Variants in UTRN observed in about 807,000 individuals in gnomAD.
The protein encoded by UTRN is dystrophin-related protein 1.
Under a neutral mutation model 463.9 loss-of-function variants are expected in UTRN, and 283 were observed. The ratio of observed to expected loss-of-function variants is 0.61; its 90% CI spans 0.55 to 0.67. UTRN has a LOEUF of 0.67. Ranked by LOEUF, UTRN falls within the 30% of genes least tolerant of loss-of-function variation. The probability of loss-of-function intolerance (pLI) is 0.00; values close to 1 mark genes in which losing one functional copy is unlikely to be tolerated. For missense variants in UTRN, 3,922 were observed against 4,084.3 expected, an observed-to-expected ratio of 0.96 and a Z score of 1.08; for synonymous variants, 1,442 against 1,431.5, an observed-to-expected ratio of 1.01 and a Z score of -0.17.
intron 53 of UTRN, among the ~76,000 whole-genome samples, chr6:144,701,171 T>G (rs1784556072): frequency 6.6e-6 from 1 of 152,130 alleles, no homozygotes; most frequent in African/African-American, 2.4e-5. Context: ...CCTCCCAAAG[T>G]GCTGGGATTA....
At chr6:144,349,257 C>T (rs2114653060) in intron 2 of UTRN, among the ~76,000 whole-genome samples, 1 of 152,312 alleles carries the variant, frequency 6.6e-6, no homozygotes, top group South Asian at 2.1e-4. Context: ...ATCCGCCCGC[C>T]TCAGCCTCCC....
intron 52 of UTRN, among the ~76,000 whole-genome samples, chr6:144,697,416 TAA>T (rs1240950643): frequency 6.6e-6 from 1 of 152,134 alleles, no homozygotes; most frequent in African/African-American, 2.4e-5. Context: ...AACGCAAATT[TAA>T]AGTTTCTTCT....
Position 144,771,972 on chromosome 6 carries a change from A to G in UTRN, c.8557+4A>G. 7.1e-7 allele frequency: 1 copy of G among 1,414,658 alleles called. No individual in the cohort carries two copies. 87.6% of individuals were successfully genotyped at this position (1,414,658 alleles called of 1,614,324 possible). ...ACCGAACTCTTTCAATCCCTTGGTA[A>G]GTGTTATTAATAGTAATAAATTAAC... On this transcript the variant is annotated splice_donor_region_variant and intron_variant, in intron 59 of 74. Transcript: ENST00000367545.
chr6:144,811,065 C>T (rs1778561362), intron 65 of UTRN, among the ~76,000 whole-genome samples: 1 of 151,976 alleles, frequency 6.6e-6, no homozygotes, highest in African/African-American at 2.4e-5. Context: ...TTACAATTTT[C>T]TAGTAAAAAA....
intron 69 of UTRN, among the ~76,000 whole-genome samples, chr6:144,834,107 A>G (rs1409567595): frequency 6.6e-6 from 1 of 152,228 alleles, no homozygotes; most frequent in Non-Finnish European, 1.5e-5. Context: ...ATAATGCCGC[A>G]GCTTACTTCA....
In UTRN at chr6:144,403,311, A is replaced by G. The variant is rs4896715; in HGVS notation, c.141+127A>G. 11,488 of 764,906 alleles carry G rather than the reference A, an allele frequency of 0.015. 677 individuals carry two copies. In the East Asian group the frequency reaches 0.16, roughly 11 times the overall value. 47.4% of individuals were successfully genotyped at this position (764,906 alleles called of 1,614,324 possible). On this transcript the variant is annotated intron_variant, in intron 3 of 74. Coordinates refer to ENST00000367545, the MANE Select transcript of UTRN (RefSeq NM_007124.3). ...GCCGAAGTCTTCTGAGTATGCAGATACATTTGTTGTTCCTTTATTCTGTCC... is the reference window on the plus strand; with the variant it reads ...GCCGAAGTCTTCTGAGTATGCAGATGCATTTGTTGTTCCTTTATTCTGTCC...
rs78896522 is a variant in UTRN, at chr6:144,539,566, C to T, written c.6519+123C>T. On this transcript the variant is annotated intron_variant, in intron 45 of 74. Coordinates refer to ENST00000367545, the MANE Select transcript of UTRN (RefSeq NM_007124.3). The stretch of plus-strand genomic sequence containing the variant: ...ATGGGGCAAATTTTACTAAAGCTTA[C>T]TAATGTTTATATTTTTTATCTGTCA... 2.8e-4 allele frequency: 272 copies of T among 967,940 alleles called. 1 individual carries two copies. The African/African-American group carries it at 4.3e-3, about 15-fold the overall frequency. 60.0% of individuals were successfully genotyped at this position (967,940 alleles called of 1,614,324 possible).
At chr6:144,451,562 T>C in intron 18 of UTRN, 69 bp downstream of exon 18, 10 of 1,503,366 alleles carry the variant, frequency 6.7e-6, no homozygotes, top group Non-Finnish European at 8.9e-6. Flanking sequence ...TCTGCTGGCA[T>C]AAAGACATTA....
chr6:144,659,103 G>A (rs976107378), intron 51 of UTRN, among the ~76,000 whole-genome samples: 4 of 152,134 alleles, frequency 2.6e-5, no homozygotes, highest in Admixed American at 6.5e-5. Context: ...TAATCAACGC[G>A]TATTTCCTTT....
At chr6:144,342,157 G>A (rs1357777664) in intron 2 of UTRN, among the ~76,000 whole-genome samples, 1 of 152,194 alleles carries the variant, frequency 6.6e-6, no homozygotes, top group African/African-American at 2.4e-5. Flanking sequence ...TACCCAGCAG[G>A]ATGGCAATAA....
At position 144,851,117 on chromosome 6, in the gene UTRN, C is replaced by A; in HGVS notation, c.*120C>A. On this transcript the variant is annotated 3_prime_UTR_variant, in exon 75 of 75. Transcript: ENST00000367545. Reference sequence around the variant, plus strand: ...GCTCCTTGGCCCACGATGTTGAGTGCTGACTGTGTGTTCTACTGAAAGAGT... The same window carrying A: ...GCTCCTTGGCCCACGATGTTGAGTGATGACTGTGTGTTCTACTGAAAGAGT... The A allele has an allele frequency of 1.5e-6, 2 of 1,290,376 alleles. No individual in the cohort carries two copies. Among genetic ancestry groups the A allele is most frequent in the Non-Finnish European group, 2.3e-6 (2 of 886,384 alleles). 79.9% of individuals were successfully genotyped at this position (1,290,376 alleles called of 1,614,324 possible). A position where few individuals can be genotyped will look rare whatever the true frequency, so the allele number is the denominator to read the frequency against.
intron 50 of UTRN, among the ~76,000 whole-genome samples, chr6:144,559,115 T>G (rs1211712562): frequency 6.6e-6 from 1 of 152,058 alleles, no homozygotes; most frequent in African/African-American, 2.4e-5. Context: ...TCTTATTTTT[T>G]TTTTTTGCTT....
chr6:144,762,992 T>A (rs886497125), intron 58 of UTRN, among the ~76,000 whole-genome samples: 5 of 152,240 alleles, frequency 3.3e-5, no homozygotes, highest in African/African-American at 1.2e-4. Context: ...TCTGTTCTTG[T>A]GACAAGGTGT....
intron 2 of UTRN, among the ~76,000 whole-genome samples, chr6:144,322,529 A>G (rs887848885): frequency 3.3e-5 from 5 of 152,212 alleles, no homozygotes; most frequent in Admixed American, 2.0e-4. Flanking sequence ...AAGAGCTTCT[A>G]TCATTCTCTA....
chr6:144,399,113 A>G (rs912871992), intron 2 of UTRN, among the ~76,000 whole-genome samples: 2 of 152,186 alleles, frequency 1.3e-5, no homozygotes, highest in Admixed American at 6.5e-5. Flanking sequence ...GGGAGGTTAA[A>G]CATTTCTGTT....
chr6:144,765,334 TGTATG>T (rs1217065853), intron 58 of UTRN, among the ~76,000 whole-genome samples: 2 of 152,182 alleles, frequency 1.3e-5, no homozygotes, highest in Non-Finnish European at 2.9e-5. Flanking sequence ...TATTTTGGGG[TGTATG>T]GTATGGTAGC....
rs1331431134 is a variant in UTRN at position 144,751,797 on chromosome 6, T to G, written c.8209-9T>G. 1.9e-6 allele frequency: 3 copies of G among 1,592,240 alleles called. No individual in the cohort carries two copies. The highest frequency in any genetic ancestry group is 2.6e-6 in the Non-Finnish European group (3 of 1,172,170). On this transcript the variant is annotated splice_polypyrimidine_tract_variant and intron_variant, in intron 55 of 74. Coordinates refer to ENST00000367545, the MANE Select transcript of UTRN (RefSeq NM_007124.3). ...TTCCAATAATATATTTTTTGTTCTT[T>G]TCTTCTAGGCATTTAGAGAAGAAAT...
At chr6:144,683,848 G>C (rs949447304) in intron 52 of UTRN, among the ~76,000 whole-genome samples, 5 of 152,062 alleles carry the variant, frequency 3.3e-5, no homozygotes, top group Admixed American at 2.0e-4. Flanking sequence ...GCTGAAAAGG[G>C]AGCCCTGTCA....
At chr6:144,377,471 G>A (rs1054371654) in intron 2 of UTRN, among the ~76,000 whole-genome samples, 1 of 152,156 alleles carries the variant, frequency 6.6e-6, no homozygotes, top group African/African-American at 2.4e-5. Context: ...TCAAAGTTTG[G>A]AGTGATTACA....
Sources: gnomAD v4.1 joint callset for allele counts (sites outside exome capture counted in the v4.1 genomes callset) on GRCh38, gnomAD v4.1.1 for gene constraint, MANE v1.5 for transcripts, NCBI Gene and HGNC (gene_info 2026-07-23, HGNC 2026-07-21) for gene names.